Variants in ROR1 observed in about 807,000 individuals in gnomAD.
The protein encoded by ROR1 is ROR family WNT receptor 1.
Under a neutral mutation model 78.8 loss-of-function variants are expected in ROR1, and 19 were observed. The observed-to-expected ratio is 0.24, with a 90% CI of 0.17 to 0.35. The LOEUF is 0.35. Among genes scored for constraint, ROR1 ranks in the 10% least tolerant of loss-of-function variants. ROR1 has a pLI of 1.00. For synonymous variants in ROR1, 386 were observed against 433.6 expected, an observed-to-expected ratio of 0.89 and a Z score of 1.36; for missense variants, 917 against 1,177.8, an observed-to-expected ratio of 0.78 and a Z score of 3.24.
rs573019401 is a variant in ROR1, at chr1:63,776,484, A to G, written c.91+1976A>G. Among the ~76,000 whole-genome samples the G allele has an allele frequency of 8.5e-5, 13 of 152,290 alleles. No individual in the cohort carries two copies. The East Asian group carries it at 2.1e-3, about 25-fold the overall frequency. ...GTGAGAGGGTCATGATGGGTACATG[A>G]CTGGGGGCTGCATGCACTGGTAATC... is the stretch of plus-strand genomic sequence containing the variant. On this transcript the variant is annotated intron_variant, in intron 1 of 8. Coordinates refer to ENST00000371079, the MANE Select transcript of ROR1 (RefSeq NM_005012.4).
At chr1:64,020,461 T>A (rs1646556197) in intron 2 of ROR1, among the ~76,000 whole-genome samples, 1 of 152,178 alleles carries the variant, frequency 6.6e-6, no homozygotes. Flanking sequence ...TACTCTACAA[T>A]TTAGTGGAAG....
In ROR1 at chr1:63,879,338, T is replaced by C. The variant is rs957534345; in HGVS notation, c.91+104830T>C. On this transcript the variant is annotated intron_variant, in intron 1 of 8. Transcript: ENST00000371079. ...TATGGATGATGTCTTCTATTGTAGT[T>C]TGCCGAAGGGACAGAGTTTGTGAGA... Among the ~76,000 whole-genome samples, 4 of 152,198 alleles carry C rather than the reference T, an allele frequency of 2.6e-5. No individual in the cohort carries two copies. In the East Asian group the frequency reaches 7.7e-4, roughly 29 times the overall value.
intron 1 of ROR1, among the ~76,000 whole-genome samples, chr1:63,852,634 A>AC (rs1372219894): frequency 1.1e-4 from 17 of 152,242 alleles, no homozygotes; most frequent in Admixed American, 1.3e-4. Flanking sequence ...ACCTTTGTAG[A>AC]CACTCACTAA....
chr1:63,901,515 A>G (rs1055137399), intron 1 of ROR1, among the ~76,000 whole-genome samples: 1 of 152,042 alleles, frequency 6.6e-6, no homozygotes, highest in African/African-American at 2.4e-5. Context: ...AACTCAGTAT[A>G]AGTTCATCTC....
At chr1:63,941,247 T>C (rs1405011722) in intron 1 of ROR1, among the ~76,000 whole-genome samples, 1 of 152,192 alleles carries the variant, frequency 6.6e-6, no homozygotes, top group African/African-American at 2.4e-5. Context: ...TACACATATA[T>C]TTAAAAATAC....
chr1:63,983,500 G>GGAGT (rs1646227506), intron 1 of ROR1, among the ~76,000 whole-genome samples: 1 of 152,172 alleles, frequency 6.6e-6, no homozygotes, highest in African/African-American at 2.4e-5. Context: ...TCAGGGTTCT[G>GGAGT]GAGTGAGTCA....
At chr1:64,085,739 A>C (rs1619058) in intron 4 of ROR1, among the ~76,000 whole-genome samples, 29,377 of 152,010 alleles carry the variant, frequency 0.19, 3,612 homozygotes, top group African/African-American at 0.35. Flanking sequence ...ATCATTAAGA[A>C]AGGGACAGGT....
At position 63,994,815 on chromosome 1, in the gene ROR1, A is replaced by G. The variant is rs1463922286; in HGVS notation, c.92-14490A>G. 2.6e-5 allele frequency among the ~76,000 whole-genome samples: 4 copies of G among 152,236 alleles called. No individual in the cohort carries two copies. In the East Asian group the frequency reaches 7.7e-4, roughly 29 times the overall value. On this transcript the variant is annotated intron_variant, in intron 1 of 8. Coordinates refer to ENST00000371079, the MANE Select transcript of ROR1 (RefSeq NM_005012.4). ...CTGAGCATCCTCTTATCAGCCAGAGATCAAGTTGCCCATCTCAGAAGGAGA... is the reference window on the plus strand; with the variant it reads ...CTGAGCATCCTCTTATCAGCCAGAGGTCAAGTTGCCCATCTCAGAAGGAGA...
chr1:63,889,063 G>A (rs2100385851), intron 1 of ROR1, among the ~76,000 whole-genome samples: 1 of 152,274 alleles, frequency 6.6e-6, no homozygotes, highest in Non-Finnish European at 1.5e-5. Flanking sequence ...TCTGCTTCCA[G>A]GCTCACTCAG....
At chr1:63,817,443 G>A (rs536387379) in intron 1 of ROR1, among the ~76,000 whole-genome samples, 1 of 152,306 alleles carries the variant, frequency 6.6e-6, no homozygotes, top group East Asian at 1.9e-4. Flanking sequence ...GAAGATTCAA[G>A]TTTGACCACC....
At chr1:64,018,247 G>A (rs1309354624) in intron 2 of ROR1, among the ~76,000 whole-genome samples, 3 of 152,102 alleles carry the variant, frequency 2.0e-5, no homozygotes, top group Non-Finnish European at 4.4e-5. Context: ...GAGGGGAAAC[G>A]GAGATTATAC....
chr1:63,851,893 G>A (rs562001558), intron 1 of ROR1, among the ~76,000 whole-genome samples: 31 of 152,336 alleles, frequency 2.0e-4, no homozygotes, highest in African/African-American at 6.5e-4. Flanking sequence ...AAAGATCCAG[G>A]GAAGATGGAA....
intron 4 of ROR1, among the ~76,000 whole-genome samples, chr1:64,126,126 C>G (rs1453536251): frequency 1.3e-5 from 2 of 152,080 alleles, no homozygotes; most frequent in African/African-American, 4.8e-5. Flanking sequence ...GACAGAGAGC[C>G]AGGTGAAGAA....
intron 1 of ROR1, among the ~76,000 whole-genome samples, chr1:63,987,430 A>G (rs1646261657): frequency 6.6e-6 from 1 of 152,166 alleles, no homozygotes; most frequent in African/African-American, 2.4e-5. Context: ...TTTTCAAGGT[A>G]TATGGGCTGT....
At chr1:64,104,249 G>T (rs966911832) in intron 4 of ROR1, among the ~76,000 whole-genome samples, 9 of 152,054 alleles carry the variant, frequency 5.9e-5, no homozygotes, top group African/African-American at 2.2e-4. Flanking sequence ...GAAGAGTCAG[G>T]GTTCTTATCC....
At chr1:63,899,559 C>T (rs544190271) in intron 1 of ROR1, among the ~76,000 whole-genome samples, 3 of 152,128 alleles carry the variant, frequency 2.0e-5, no homozygotes, top group Non-Finnish European at 2.9e-5. Flanking sequence ...TTGCTCCGAG[C>T]CTTAAGCCCA....
intron 4 of ROR1, among the ~76,000 whole-genome samples, chr1:64,099,736 T>G (rs947415781): frequency 2.0e-5 from 3 of 152,220 alleles, no homozygotes; most frequent in Non-Finnish European, 4.4e-5. Flanking sequence ...TTTGCTTAAC[T>G]AAGTTTGTGG....
chr1:63,923,088 G>A (rs1645670656), intron 1 of ROR1, among the ~76,000 whole-genome samples: 1 of 152,154 alleles, frequency 6.6e-6, no homozygotes. Context: ...GAGATCACGG[G>A]GCTGAAATAA....
intron 1 of ROR1, among the ~76,000 whole-genome samples, chr1:63,998,115 C>A (rs977871261): frequency 6.6e-6 from 1 of 152,058 alleles, no homozygotes; most frequent in Non-Finnish European, 1.5e-5. Flanking sequence ...CTAACCTATT[C>A]CAGGATCATT....
Sources: allele counts gnomAD v4.1 joint callset (sites outside exome capture counted in the v4.1 genomes callset), GRCh38; gene constraint gnomAD v4.1.1; transcripts MANE v1.5; gene names NCBI Gene and HGNC (gene_info 2026-07-23, HGNC 2026-07-21).